MDFIC2: variants seen among roughly 807,000 people sequenced by gnomAD.
MDFIC2 encodes MyoD family inhibitor domain containing 2.
intron 2 of MDFIC2, among the ~76,000 whole-genome samples, chr3:70,271,081 T>G (rs1170339193): frequency 4.6e-5 from 7 of 152,132 alleles, no homozygotes; most frequent in Non-Finnish European, 1.0e-4. Context: ...AATTAAATCA[T>G]AGGCCATTTA....
intron 2 of MDFIC2, chr3:70,272,119 G>A (rs1488795433): frequency 6.6e-6 from 1 of 152,170 alleles, no homozygotes; most frequent in Admixed American, 6.5e-5. Context: ...CATGCCCAGA[G>A]TTGCTCAGCA....
At chr3:70,235,221 C>T (rs1575603380) in intron 2 of MDFIC2, among the ~76,000 whole-genome samples, 1 of 152,168 alleles carries the variant, frequency 6.6e-6, no homozygotes, top group Admixed American at 6.5e-5. Flanking sequence ...CATCAACCGT[C>T]GTTCTCTTTC....
chr3:70,256,818 A>G (rs923260579), intron 2 of MDFIC2, among the ~76,000 whole-genome samples: 1 of 152,178 alleles, frequency 6.6e-6, no homozygotes, highest in African/African-American at 2.4e-5. Flanking sequence ...CTAATACTGG[A>G]ATGCAAAGTA....
rs1427095221 is a variant in MDFIC2, at chr3:70,288,024, A to G, written c.88+23862T>C. ...CAAAAAACCAGCTCCTGGATTCATT[A>G]ATTTTTTGAAGGGTTTTTTGTGTCT... On this transcript the variant is annotated intron_variant, in intron 2 of 3. Coordinates refer to ENST00000567252, the MANE Select transcript of MDFIC2 (RefSeq NM_001364677.1). Among the ~76,000 whole-genome samples, 149 of 151,286 alleles carry G rather than the reference A, an allele frequency of 9.8e-4. 3 individuals carry two copies. In the South Asian group the frequency reaches 0.021, roughly 22 times the overall value.
chr3:70,219,631 G>A (rs1701444397), intron 2 of MDFIC2, among the ~76,000 whole-genome samples: 2 of 152,180 alleles, frequency 1.3e-5, no homozygotes, highest in Admixed American at 6.5e-5. Context: ...AGGGACATGT[G>A]TGAACCAAGA....
At chr3:70,310,435 G>T (rs769538524) in intron 2 of MDFIC2, among the ~76,000 whole-genome samples, 2 of 151,042 alleles carry the variant, frequency 1.3e-5, no homozygotes, top group Non-Finnish European at 2.9e-5. Flanking sequence ...GTGTGATCTC[G>T]GCTCACTGCA....
chr3:70,213,950 A>G (rs1328841398), intron 2 of MDFIC2, among the ~76,000 whole-genome samples: 1 of 152,120 alleles, frequency 6.6e-6, no homozygotes, highest in Non-Finnish European at 1.5e-5. Context: ...AAAGCATAAT[A>G]AAAGGTGATT....
intron 2 of MDFIC2, among the ~76,000 whole-genome samples, chr3:70,268,557 C>T (rs1312140749): frequency 6.6e-6 from 1 of 151,812 alleles, no homozygotes; most frequent in Non-Finnish European, 1.5e-5. Context: ...ATCAACACTC[C>T]AAGGCCATAG....
intron 2 of MDFIC2, among the ~76,000 whole-genome samples, chr3:70,300,851 A>T (rs895270098): frequency 1.3e-5 from 2 of 152,044 alleles, no homozygotes; most frequent in Admixed American, 6.6e-5. Flanking sequence ...CCAAATTTGG[A>T]CACTCCAAGG....
At chr3:70,212,795 T>C (rs902276608) in intron 2 of MDFIC2, among the ~76,000 whole-genome samples, 1 of 148,198 alleles carries the variant, frequency 6.7e-6, no homozygotes, top group African/African-American at 2.6e-5. Context: ...CCATTTTCTC[T>C]CTCTTTTTTT....
intron 2 of MDFIC2, chr3:70,291,278 C>T (rs1294618430): frequency 6.6e-6 from 1 of 152,112 alleles, no homozygotes; most frequent in Non-Finnish European, 1.5e-5. Context: ...ATTTTCTCAT[C>T]TGTGAAATGG....
intron 2 of MDFIC2, among the ~76,000 whole-genome samples, chr3:70,309,986 C>T (rs1702440514): frequency 6.6e-6 from 1 of 152,076 alleles, no homozygotes; most frequent in Non-Finnish European, 1.5e-5. Flanking sequence ...ACATCTGTAG[C>T]ACAGAGTAAT....
intron 2 of MDFIC2, among the ~76,000 whole-genome samples, chr3:70,215,932 A>G (rs948845446): frequency 6.6e-6 from 1 of 152,150 alleles, no homozygotes; most frequent in Non-Finnish European, 1.5e-5. Context: ...GTAAAAGTCT[A>G]TAAATTTCTG....
chr3:70,226,158 A>T (rs1168572423), intron 2 of MDFIC2, among the ~76,000 whole-genome samples: 1 of 152,240 alleles, frequency 6.6e-6, no homozygotes, highest in Non-Finnish European at 1.5e-5. Context: ...GACAGTAATC[A>T]GCATTTCCTT....
chr3:70,265,928 C>A (rs1701913038), intron 2 of MDFIC2, among the ~76,000 whole-genome samples: 1 of 152,142 alleles, frequency 6.6e-6, no homozygotes, highest in African/African-American at 2.4e-5. Context: ...TATCCATGAT[C>A]CAGTTACCTC....
intron 2 of MDFIC2, among the ~76,000 whole-genome samples, chr3:70,290,735 G>C (rs753357077): frequency 5.3e-5 from 8 of 152,166 alleles, no homozygotes; most frequent in African/African-American, 1.7e-4. Flanking sequence ...AGGACCCTCC[G>C]AGCCAGGTGC....
At chr3:70,212,657 G>A (rs1701363083) in intron 2 of MDFIC2, among the ~76,000 whole-genome samples, 2 of 152,002 alleles carry the variant, frequency 1.3e-5, no homozygotes, top group Non-Finnish European at 2.9e-5. Flanking sequence ...GATATCTTAT[G>A]CATTATAATC....
rs572513352 is a variant in MDFIC2 at position 70,304,544 on chromosome 3, G to A, written c.88+7342C>T. 1.8e-4 allele frequency among the ~76,000 whole-genome samples: 28 copies of A among 152,142 alleles called. No homozygotes were observed. In the East Asian group the frequency reaches 4.1e-3, roughly 22 times the overall value. The stretch of plus-strand genomic sequence containing the variant: ...TTACCATTTCACAATTTCTAAAGCC[G>A]GGGGTCAGCCTTTGATTCCTTTCTT... On this transcript the variant is annotated intron_variant, in intron 2 of 3. Coordinates refer to ENST00000567252, the MANE Select transcript of MDFIC2 (RefSeq NM_001364677.1).
chr3:70,303,311 G>A (rs1291373958), intron 2 of MDFIC2, among the ~76,000 whole-genome samples: 1 of 152,086 alleles, frequency 6.6e-6, no homozygotes. Flanking sequence ...TGGCAGTCAA[G>A]TTTTCTTGGC....
Sources: allele counts gnomAD v4.1 joint callset (sites outside exome capture counted in the v4.1 genomes callset), GRCh38; gene constraint gnomAD v4.1.1; transcripts MANE v1.5; gene names NCBI Gene and HGNC (gene_info 2026-07-23, HGNC 2026-07-21).